Variants in TDRD3 observed in about 807,000 individuals in gnomAD.
TDRD3 encodes tudor domain containing 3.
In TDRD3, 45 loss-of-function variants were observed where a neutral mutation model predicts 86.7. The ratio of observed to expected loss-of-function variants is 0.52; its 90% CI spans 0.41 to 0.67. The LOEUF (loss-of-function observed/expected upper bound fraction) is 0.67. TDRD3 is among the 30% of genes least tolerant of loss of function. The pLI is 0.00. For missense variants in TDRD3, 814 were observed against 889.0 expected, an observed-to-expected ratio of 0.92 and a Z score of 1.07; for synonymous variants, 298 against 301.7, an observed-to-expected ratio of 0.99 and a Z score of 0.13.
rs140769649 is a variant in TDRD3 at position 60,498,329 on chromosome 13, G to A, written c.858+3754G>A. Among the ~76,000 whole-genome samples, 755 of 152,312 alleles carry A rather than the reference G, an allele frequency of 5.0e-3. 3 individuals are homozygous for A. The highest frequency in any genetic ancestry group is 0.024 in the Middle Eastern group (7 of 294). Reference sequence around the variant, plus strand: ...CACTCAACTACAAAATTTAACTGCAGTGGGAATAATTGGATCCCAAGGTGG... The same window carrying A: ...CACTCAACTACAAAATTTAACTGCAATGGGAATAATTGGATCCCAAGGTGG... On this transcript the variant is annotated intron_variant, in intron 8 of 13. Transcript: ENST00000377881.
intron 1 of TDRD3, among the ~76,000 whole-genome samples, chr13:60,438,213 G>A (rs1955169510): frequency 6.6e-6 from 1 of 152,082 alleles, no homozygotes; most frequent in Admixed American, 6.5e-5. Context: ...TACAGATACA[G>A]TTGGACAATT....
At chr13:60,477,483 G>A (rs1252816491) in intron 5 of TDRD3, among the ~76,000 whole-genome samples, 1 of 152,084 alleles carries the variant, frequency 6.6e-6, no homozygotes, top group Non-Finnish European at 1.5e-5. Flanking sequence ...CCAAAGTGCT[G>A]TGATTACAGC....
At chr13:60,539,113 G>T (rs915474861) in intron 12 of TDRD3, among the ~76,000 whole-genome samples, 1 of 152,074 alleles carries the variant, frequency 6.6e-6, no homozygotes, top group African/African-American at 2.4e-5. Context: ...ATTCTGGAAG[G>T]TGATAGGCAA....
intron 5 of TDRD3, among the ~76,000 whole-genome samples, chr13:60,481,622 TTAC>T (rs1956320138): frequency 6.6e-6 from 1 of 152,120 alleles, no homozygotes; most frequent in African/African-American, 2.4e-5. Flanking sequence ...GTATTTTTCT[TTAC>T]TAGTTGAATT....
intron 12 of TDRD3, among the ~76,000 whole-genome samples, chr13:60,544,757 C>G (rs1280016735): frequency 6.6e-6 from 1 of 152,148 alleles, no homozygotes; most frequent in Non-Finnish European, 1.5e-5. Context: ...ATCAGATGAG[C>G]TGTGATACTC....
At chr13:60,429,370 TTGAA>T (rs1434190548) in intron 1 of TDRD3, among the ~76,000 whole-genome samples, 9 of 152,294 alleles carry the variant, frequency 5.9e-5, no homozygotes, top group Non-Finnish European at 1.2e-4. Flanking sequence ...TTTTAAGAGT[TTGAA>T]TGACATTAAA....
At chr13:60,460,651 A>G in intron 4 of TDRD3, 111 bp downstream of exon 4, 1 of 952,660 alleles carries the variant, frequency 1.0e-6, no homozygotes, top group African/African-American at 1.8e-5. Flanking sequence ...TGTGTGTTAC[A>G]GTTTTTCAGA....
chr13:60,482,816 T>G (rs1956348481), intron 5 of TDRD3, among the ~76,000 whole-genome samples: 1 of 151,908 alleles, frequency 6.6e-6, no homozygotes, highest in Non-Finnish European at 1.5e-5. Context: ...TGGAATATGC[T>G]TGAAAGTGCA....
chr13:60,559,376 T>C (rs1264115633), intron 12 of TDRD3, among the ~76,000 whole-genome samples: 1 of 152,170 alleles, frequency 6.6e-6, no homozygotes, highest in Non-Finnish European at 1.5e-5. Flanking sequence ...TTGAGCCAAC[T>C]GACACGTTTT....
chr13:60,400,308 A>C (rs1430621413), intron 1 of TDRD3, among the ~76,000 whole-genome samples: 1 of 152,216 alleles, frequency 6.6e-6, no homozygotes, highest in Non-Finnish European at 1.5e-5. Context: ...TGGAAATATA[A>C]AATTCTACTC....
intron 7 of TDRD3, among the ~76,000 whole-genome samples, chr13:60,489,978 T>C (rs1161890394): frequency 6.6e-6 from 1 of 151,816 alleles, no homozygotes; most frequent in Non-Finnish European, 1.5e-5. Context: ...TAACCTATTA[T>C]AATGTGCTTC....
At chr13:60,409,256 A>C (rs1301834531) in intron 1 of TDRD3, among the ~76,000 whole-genome samples, 2 of 152,144 alleles carry the variant, frequency 1.3e-5, no homozygotes, top group Non-Finnish European at 2.9e-5. Flanking sequence ...CTCATGGAGA[A>C]CCTCTGTTAG....
chr13:60,419,809 A>AG (rs1277985399), intron 1 of TDRD3, among the ~76,000 whole-genome samples: 1 of 152,178 alleles, frequency 6.6e-6, no homozygotes, highest in Non-Finnish European at 1.5e-5. Context: ...TAAAAAAAAA[A>AG]GAATAGATGG....
At chr13:60,516,537 A>G (rs1037662303) in intron 10 of TDRD3, among the ~76,000 whole-genome samples, 8 of 152,242 alleles carry the variant, frequency 5.3e-5, no homozygotes, top group African/African-American at 1.9e-4. Flanking sequence ...GCAGATACAT[A>G]CAACTAATTC....
At chr13:60,462,902 A>C (rs897276729) in intron 4 of TDRD3, among the ~76,000 whole-genome samples, 1 of 152,206 alleles carries the variant, frequency 6.6e-6, no homozygotes, top group Non-Finnish European at 1.5e-5. Context: ...ACAGCATGGT[A>C]CTGGCATAAA....
At chr13:60,535,001 A>G in intron 11 of TDRD3, 107 bp from the exon 12 acceptor site, 1 of 1,313,624 alleles carries the variant, frequency 7.6e-7, no homozygotes, top group Non-Finnish European at 1.0e-6. Flanking sequence ...GTTTCCTTCT[A>G]AAGAATATTA....
chr13:60,442,479 T>G (rs1036709132), intron 2 of TDRD3, among the ~76,000 whole-genome samples: 8 of 151,986 alleles, frequency 5.3e-5, no homozygotes, highest in Non-Finnish European at 1.2e-4. Context: ...AGTTTTCCTG[T>G]ATTATTATTT....
At chr13:60,557,989 A>G (rs1183982906) in intron 12 of TDRD3, among the ~76,000 whole-genome samples, 1 of 151,794 alleles carries the variant, frequency 6.6e-6, no homozygotes, top group Non-Finnish European at 1.5e-5. Context: ...CGCCCAGCTA[A>G]TTTTTGTATT....
chr13:60,458,924 A>T (rs1355073090), intron 3 of TDRD3, among the ~76,000 whole-genome samples: 3 of 152,228 alleles, frequency 2.0e-5, no homozygotes, highest in Non-Finnish European at 4.4e-5. Context: ...AAATGTCCTT[A>T]TTTTAATGGC....
Sources: gnomAD v4.1 joint callset for allele counts (sites outside exome capture counted in the v4.1 genomes callset) on GRCh38, gnomAD v4.1.1 for gene constraint, MANE v1.5 for transcripts, NCBI Gene and HGNC (gene_info 2026-07-23, HGNC 2026-07-21) for gene names.